The following DCC variants were observed in gnomAD, a reference collection of about 807,000 sequenced individuals.
DCC encodes DCC netrin 1 receptor, also known as netrin receptor DCC.
DCC carries 58 observed loss-of-function variants against 172.5 expected under a neutral mutation model. The observed-to-expected ratio is 0.34, with a 90% CI of 0.27 to 0.42. The LOEUF (loss-of-function observed/expected upper bound fraction) is 0.42, where lower values mean the gene tolerates loss of function less well. Among genes scored for constraint, DCC ranks in the 10% least tolerant of loss-of-function variants. The probability of loss-of-function intolerance (pLI) is 1.00; values close to 1 mark genes in which losing one functional copy is unlikely to be tolerated. For synonymous variants in DCC, 709 were observed against 644.5 expected (o/e 1.10, Z -1.52); for missense variants, 1,740 against 1,791.0 (o/e 0.97, Z 0.51).
intron 8 of DCC, among the ~76,000 whole-genome samples, chr18:53,165,728 G>T (rs114821179): frequency 0.02 from 3,026 of 152,250 alleles, 116 homozygotes; most frequent in African/African-American, 0.069. Flanking sequence ...AGCAAATATT[G>T]AATGTGAGTT....
At chr18:52,438,832 A>G (rs1987879336) in intron 1 of DCC, among the ~76,000 whole-genome samples, 1 of 152,146 alleles carries the variant, frequency 6.6e-6, no homozygotes, top group Admixed American at 6.5e-5. Flanking sequence ...GTTATGCAAT[A>G]AGAGGGCTAT....
At chr18:52,384,132 A>G (rs1355102773) in intron 1 of DCC, among the ~76,000 whole-genome samples, 1 of 152,098 alleles carries the variant, frequency 6.6e-6, no homozygotes, top group Non-Finnish European at 1.5e-5. Flanking sequence ...TAGAAACTGT[A>G]TAGTCAACTT....
At chr18:53,106,488 G>A (rs2043250204) in intron 7 of DCC, among the ~76,000 whole-genome samples, 1 of 151,914 alleles carries the variant, frequency 6.6e-6, no homozygotes, top group South Asian at 2.1e-4. Flanking sequence ...TGACTTGGAT[G>A]TGTGTGTTAT....
chr18:52,387,803 G>A (rs1985872799), intron 1 of DCC, among the ~76,000 whole-genome samples: 1 of 152,050 alleles, frequency 6.6e-6, no homozygotes, highest in South Asian at 2.1e-4. Context: ...GATTCTCATA[G>A]GTTACATCCA....
chr18:52,973,318 C>G (rs1427345476), intron 5 of DCC, among the ~76,000 whole-genome samples: 5 of 151,810 alleles, frequency 3.3e-5, no homozygotes, highest in Admixed American at 2.6e-4. Context: ...TAACTTATAC[C>G]TAGTGTGAAT....
intron 1 of DCC, among the ~76,000 whole-genome samples, chr18:52,711,349 T>A (rs2145055728): frequency 6.6e-6 from 1 of 152,284 alleles, no homozygotes; most frequent in East Asian, 1.9e-4. Context: ...TGCCTCAGCC[T>A]CCCATGTAGC....
At chr18:52,524,108 T>A (rs1042287369) in intron 1 of DCC, among the ~76,000 whole-genome samples, 1 of 152,198 alleles carries the variant, frequency 6.6e-6, no homozygotes, top group African/African-American at 2.4e-5. Context: ...TAGGTCACAA[T>A]ACTTAAAGAT....
At chr18:52,528,930 A>T (rs2032063215) in intron 1 of DCC, among the ~76,000 whole-genome samples, 1 of 152,152 alleles carries the variant, frequency 6.6e-6, no homozygotes, top group Non-Finnish European at 1.5e-5. Flanking sequence ...TACATGCCCA[A>T]TACTTATCAA....
intron 12 of DCC, among the ~76,000 whole-genome samples, chr18:53,249,812 A>G (rs1487814538): frequency 3.9e-5 from 6 of 152,084 alleles, no homozygotes; most frequent in African/African-American, 7.2e-5. Flanking sequence ...TCAACCTTCA[A>G]TAAAAGTTAA....
intron 11 of DCC, among the ~76,000 whole-genome samples, chr18:53,209,261 G>A (rs1251964185): frequency 6.6e-6 from 1 of 152,150 alleles, no homozygotes; most frequent in Non-Finnish European, 1.5e-5. Context: ...GATCATGAAA[G>A]GTTGGGAAAT....
At chr18:53,044,101 CTT>C (rs1198358348) in intron 5 of DCC, among the ~76,000 whole-genome samples, 3 of 151,780 alleles carry the variant, frequency 2.0e-5, no homozygotes, top group Non-Finnish European at 2.9e-5. Flanking sequence ...GAGGTATTAC[CTT>C]TGAGAACAAG....
At chr18:53,512,926 G>A (rs1255821021) in intron 27 of DCC, among the ~76,000 whole-genome samples, 1 of 152,106 alleles carries the variant, frequency 6.6e-6, no homozygotes, top group Non-Finnish European at 1.5e-5. Context: ...ATCTATCAAG[G>A]CAGGCCAACA....
chr18:53,081,446 A>G (rs1455049322), intron 7 of DCC, among the ~76,000 whole-genome samples: 1 of 152,044 alleles, frequency 6.6e-6, no homozygotes, highest in African/African-American at 2.4e-5. Flanking sequence ...TAGAATCTCT[A>G]GATATCACCT....
At chr18:52,645,640 G>A (rs566351380) in intron 1 of DCC, among the ~76,000 whole-genome samples, 2 of 152,138 alleles carry the variant, frequency 1.3e-5, no homozygotes, top group South Asian at 2.1e-4. Flanking sequence ...ACATCATAAA[G>A]AATAAAAACA....
At chr18:52,387,129 A>C (rs1985831046) in intron 1 of DCC, among the ~76,000 whole-genome samples, 1 of 152,190 alleles carries the variant, frequency 6.6e-6, no homozygotes, top group Non-Finnish European at 1.5e-5. Flanking sequence ...AAATAGACAC[A>C]TAGAAGAAAG....
chr18:52,356,298 C>G (rs1263113045), intron 1 of DCC, among the ~76,000 whole-genome samples: 1 of 152,114 alleles, frequency 6.6e-6, no homozygotes, highest in East Asian at 1.9e-4. Context: ...GGCTCCTGCA[C>G]TACTGGAATA....
chr18:52,832,324 A>T (rs1192755701), intron 2 of DCC, among the ~76,000 whole-genome samples: 1 of 152,104 alleles, frequency 6.6e-6, no homozygotes, highest in African/African-American at 2.4e-5. Flanking sequence ...GGGTTTGCTT[A>T]TATTTTGCAA....
At chr18:53,377,391 A>AGAGAGAGAGAGAGAGAGGG (rs1555661124) in intron 15 of DCC, among the ~76,000 whole-genome samples, 2 of 94,466 alleles carry the variant, frequency 2.1e-5, no homozygotes, top group African/African-American at 7.2e-5. Context: ...GAGAGAGAGG[A>AGAGAGAGAGAGAGAGAGGG]AGAAGGCCAA....
chr18:52,522,479 C>G (rs1210022868), intron 1 of DCC, among the ~76,000 whole-genome samples: 2 of 152,116 alleles, frequency 1.3e-5, no homozygotes, highest in Non-Finnish European at 2.9e-5. Context: ...TTTTTTCTTT[C>G]TCTAATTTCA....
Sources: gnomAD v4.1 joint callset for allele counts (sites outside exome capture counted in the v4.1 genomes callset) on GRCh38, gnomAD v4.1.1 for gene constraint, MANE v1.5 for transcripts, NCBI Gene and HGNC (gene_info 2026-07-23, HGNC 2026-07-21) for gene names.